MMEL1: variants seen among roughly 807,000 people sequenced by gnomAD.
The protein encoded by MMEL1 is membrane metallo-endopeptidase-like 1.
In MMEL1, 98 loss-of-function variants were observed where a neutral mutation model predicts 117.1. That is an observed-to-expected ratio of 0.84 (90% confidence interval 0.71 to 0.99). The LOEUF is 0.99. MMEL1 is among the 50% of genes least tolerant of loss of function. The pLI, the probability that MMEL1 is intolerant of heterozygous loss-of-function variation, is 0.00. For synonymous variants in MMEL1, 390 were observed against 415.1 expected, an observed-to-expected ratio of 0.94 and a Z score of 0.74; for missense variants, 1,014 against 1,049.1, an observed-to-expected ratio of 0.97 and a Z score of 0.46.
intron 2 of MMEL1, among the ~76,000 whole-genome samples, chr1:2,617,283 CG>C (rs1411137763): frequency 6.6e-6 from 1 of 151,932 alleles, no homozygotes; most frequent in Admixed American, 6.6e-5. Context: ...AAAAATTAGC[CG>C]GGCGTGGTGG....
At chr1:2,607,327 A>G (rs1293504320) in intron 6 of MMEL1, among the ~76,000 whole-genome samples, 2 of 152,112 alleles carry the variant, frequency 1.3e-5, no homozygotes, top group Non-Finnish European at 2.9e-5. Context: ...GGCTGAGAAA[A>G]GCACATGAGC....
chr1:2,630,035 C>T (rs1638471151), intron 1 of MMEL1: 1 of 152,558 alleles, frequency 6.6e-6, no homozygotes, highest in Non-Finnish European at 1.5e-5. Flanking sequence ...GCCAGGCAGG[C>T]TTGAGTCTCA....
At chr1:2,608,461 A>G (rs1358077107) in intron 6 of MMEL1, among the ~76,000 whole-genome samples, 1 of 152,030 alleles carries the variant, frequency 6.6e-6, no homozygotes, top group African/African-American at 2.4e-5. Context: ...ATGCACACAC[A>G]AGCACATATG....
At chr1:2,613,830 G>C (rs7415281) in intron 2 of MMEL1, among the ~76,000 whole-genome samples, 6,676 of 152,172 alleles carry the variant, frequency 0.044, 506 homozygotes, top group African/African-American at 0.15. Context: ...CAGCCTGGGA[G>C]ACAGAGTGAG....
chr1:2,592,208 T>A (rs904876058), intron 21 of MMEL1, among the ~76,000 whole-genome samples, 181 bp from the exon 22 acceptor site: 1 of 112,166 alleles, frequency 8.9e-6, no homozygotes, highest in African/African-American at 4.4e-5. Flanking sequence ...CAGGGACCCC[T>A]GAGCTGGGCC....
chr1:2,600,338 T>C (rs1465399959), intron 11 of MMEL1, among the ~76,000 whole-genome samples: 3 of 152,110 alleles, frequency 2.0e-5, no homozygotes, highest in Non-Finnish European at 4.4e-5. Context: ...ATCAGCATTA[T>C]GCTCAAAATC....
chr1:2,610,220 T>A (rs562110108), intron 4 of MMEL1, among the ~76,000 whole-genome samples: 19 of 152,222 alleles, frequency 1.2e-4, no homozygotes, highest in Middle Eastern at 3.4e-3. Context: ...TTTTAAAAAA[T>A]TTATTTTAGA....
At chr1:2,606,203 G>T in intron 8 of MMEL1, 45 bp downstream of exon 8, 1 of 1,510,526 alleles carries the variant, frequency 6.6e-7, no homozygotes, top group African/African-American at 1.4e-5. Context: ...CCCCCAGCCA[G>T]GCTTGGGGAC....
At position 2,595,512 on chromosome 1, in the gene MMEL1, G is replaced by T. The variant is rs959903756; in HGVS notation, c.1501-153C>A. ...CTGTGGTGAGGGGCTGGGGGGCTCC[G>T]GGATCTGGCCCCCACCTTGCAGGCT... is the stretch of plus-strand genomic sequence containing the variant. On this transcript the variant is annotated intron_variant, in intron 15 of 23. Coordinates refer to ENST00000378412, the MANE Select transcript of MMEL1 (RefSeq NM_033467.4). The surrounding 1 kb of genome is among the most constrained non-coding windows in gnomAD (Gnocchi z 4.8). 6.6e-6 allele frequency among the ~76,000 whole-genome samples: 1 copy of T among 152,126 alleles called. No homozygotes were observed. The highest frequency in any genetic ancestry group is 2.4e-5 in the African/African-American group (1 of 41,416).
rs1485744867 is a variant in MMEL1, at chr1:2,594,434, G to A, written c.1698C>T (p.Ile566=). The A allele has an allele frequency of 1.2e-5, 19 of 1,551,390 alleles. No homozygotes were observed. The highest frequency in any genetic ancestry group is 2.7e-5 in the African/African-American group (2 of 73,044). The change falls in exon 18 of 24, where the codon ATC becomes ATT. Residue 566 remains isoleucine, a synonymous_variant. Coordinates refer to ENST00000378412, the MANE Select transcript of MMEL1 (RefSeq NM_033467.4). ...REKVDPNLWI[I]GAAVVNAFYS... is the part of the protein sequence containing the mutation. ...AGAACGCATTGACCACCGCCGCCCC[G>A]ATGATCCAGCTGTGATAGACAAGCC...
chr1:2,628,573 G>A (rs1475240307), intron 2 of MMEL1, among the ~76,000 whole-genome samples: 1 of 152,220 alleles, frequency 6.6e-6, no homozygotes, highest in Admixed American at 6.5e-5. Context: ...AGAGGGACCA[G>A]GGCTGTGCCT....
chr1:2,590,780 G>C lies in MMEL1; in HGVS notation c.*210C>G. ...TGAGCCCCGCGGGTGTCTGTGGAGG[G>C]GGCTCCGGTCCAGGTACTGCACTGG... On this transcript the variant is annotated 3_prime_UTR_variant, in exon 24 of 24. Transcript: ENST00000378412. The C allele has an allele frequency of 2.4e-6, 1 of 408,982 alleles. No homozygotes were observed. The highest frequency in any genetic ancestry group is 4.3e-6 in the Non-Finnish European group (1 of 232,120). The allele number at this position is 408,982 out of a possible 1,614,324, so 25.3% of individuals were successfully genotyped here.
intron 13 of MMEL1, among the ~76,000 whole-genome samples, chr1:2,597,304 C>G (rs534508570): frequency 6.6e-6 from 1 of 151,968 alleles, no homozygotes; most frequent in African/African-American, 2.4e-5. Flanking sequence ...GCCCCCCTGA[C>G]GCTTGACTCA....
Position 2,609,670 on chromosome 1 carries a change from C to T in MMEL1, c.454G>A (p.Ala152Thr), listed in dbSNP as rs1371719724. 6.2e-7 allele frequency: 1 copy of T among 1,607,328 alleles called. No individual in the cohort carries two copies. Among genetic ancestry groups the T allele is most frequent in the African/African-American group, 1.3e-5 (1 of 74,890 alleles). ...TGCACCCCCGGCCGTGCTCTGCCACCTTTGAGGATGACCTCCAGCTCGTCG... is the reference window on the plus strand; with the variant it reads ...TGCACCCCCGGCCGTGCTCTGCCACTTTTGAGGATGACCTCCAGCTCGTCG... ...LRDELEVILK[A>T]VLENSTAKDR... The change falls in exon 5 of 24, where the codon GCG (alanine) becomes ACG (threonine). Residue 152 changes from alanine to threonine, a missense_variant and splice_region_variant. Ala to Thr is a moderately conservative substitution (Grantham distance 58). Transcript: ENST00000378412.
At chr1:2,601,877 G>A (rs927019498) in intron 11 of MMEL1, among the ~76,000 whole-genome samples, 5 of 152,274 alleles carry the variant, frequency 3.3e-5, no homozygotes, top group African/African-American at 1.2e-4. Context: ...AGAAACGGCT[G>A]AGAACGGACA....
rs1644724379 is a variant in MMEL1, at chr1:2,591,934, G to A, written c.2161C>T (p.Gln721Ter). ...HEQLFFINYA[Q>*]VWCGSYRPEF... The stretch of plus-strand genomic sequence containing the variant: ...GGGACCAGGACTGCGGCTGCCACCT[G>A]GGCATAGTTGATGAAGAAGAGCTGC... The change falls in exon 22 of 24, where the codon CAG (glutamine) becomes TAG (stop). Residue 721 changes from glutamine to a stop codon, truncating the protein, a stop_gained and splice_region_variant. Transcript: ENST00000378412. LOFTEE classifies it high-confidence loss of function. The A allele has an allele frequency of 6.2e-7, 1 of 1,613,078 alleles. No individual in the cohort carries two copies. The highest frequency in any genetic ancestry group is 1.3e-5 in the African/African-American group (1 of 74,920).
Position 2,629,463 on chromosome 1 carries a change from C to A in MMEL1, c.22G>T (p.Val8Leu). Residue 8 changes from valine (V) to leucine (L), a missense_variant, in exon 2 of 24, where the codon GTG (valine) becomes TTG (leucine). Transcript: ENST00000378412. MGKSEGPVGMVESAGRAG... is the reference protein window; with the variant it reads MGKSEGPLGMVESAGRAG... ...CGGCCGGCGCTCTCCACCATCCCCACTGGGCCTTCGGACTTCCCCATCAGC... is the reference window on the plus strand; with the variant it reads ...CGGCCGGCGCTCTCCACCATCCCCAATGGGCCTTCGGACTTCCCCATCAGC... 1 of 1,533,004 alleles carries A rather than the reference C, an allele frequency of 6.5e-7. No homozygotes were observed. The allele number at this position is 1,533,004 out of a possible 1,614,324, so 95.0% of individuals were successfully genotyped here.
chr1:2,591,469 C>T (rs971556576), intron 23 of MMEL1, 88 bp downstream of exon 23: 1 of 1,121,312 alleles, frequency 8.9e-7, no homozygotes, highest in Non-Finnish European at 1.4e-6. Context: ...TGTTGAGCCA[C>T]TTTTTGTGCT....
At chr1:2,603,769 G>A in intron 11 of MMEL1, 115 bp downstream of exon 11, 1 of 894,414 alleles carries the variant, frequency 1.1e-6, no homozygotes. Context: ...GCTCGGGGAT[G>A]GGGAATGTTT....
Sources: allele counts gnomAD v4.1 joint callset (sites outside exome capture counted in the v4.1 genomes callset), GRCh38; gene constraint gnomAD v4.1.1; non-coding constraint Gnocchi (gnomAD v3.1); transcripts MANE v1.5; gene names NCBI Gene and HGNC (gene_info 2026-07-23, HGNC 2026-07-21).